The following LSAMP variants were observed in gnomAD, a reference collection of about 807,000 sequenced individuals.
LSAMP encodes the protein limbic system-associated membrane protein.
LSAMP carries 7 observed loss-of-function variants against 38.6 expected under a neutral mutation model. The observed-to-expected ratio is 0.18, with a 90% CI of 0.10 to 0.34. The LOEUF (loss-of-function observed/expected upper bound fraction) is 0.34. Among genes scored for constraint, LSAMP ranks in the 10% least tolerant of loss-of-function variants. LSAMP has a pLI of 1.00. For synonymous variants in LSAMP, 154 were observed against 166.8 expected, an observed-to-expected ratio of 0.92 and a Z score of 0.59; for missense variants, 313 against 420.0, an observed-to-expected ratio of 0.75 and a Z score of 2.23.
At position 116,378,332 on chromosome 3, in the gene LSAMP, G is replaced by A. The variant is rs79593809; in HGVS notation, c.155+66545C>T. Among the ~76,000 whole-genome samples, 4 of 152,016 alleles carry A rather than the reference G, an allele frequency of 2.6e-5. No homozygotes were observed. The East Asian group carries it at 7.7e-4, about 29-fold the overall frequency. ...ACTCTTGCTGGCACACTAATTTTAG[G>A]TGATTTTGCAACCCATATGGACAAA... On this transcript the variant is annotated intron_variant, in intron 1 of 6. Coordinates refer to ENST00000490035, the MANE Select transcript of LSAMP (RefSeq NM_002338.5).
At chr3:115,983,890 TTAACA>T (rs1939436009) in intron 3 of LSAMP, among the ~76,000 whole-genome samples, 1 of 152,198 alleles carries the variant, frequency 6.6e-6, no homozygotes. Context: ...AGTGGCAATG[TTAACA>T]TTAAGAGACA....
At chr3:115,939,645 C>A (rs1478688653) in intron 3 of LSAMP, among the ~76,000 whole-genome samples, 2 of 151,144 alleles carry the variant, frequency 1.3e-5, no homozygotes, top group African/African-American at 4.9e-5. Context: ...TTGAGACTCA[C>A]TTGGGCTCAA....
Position 115,810,327 on chromosome 3 carries a change from C to A in LSAMP, c.1007G>T (p.Ser336Ile). Residue 336 changes from serine (S) to isoleucine (I), a missense_variant, in exon 7 of 7, where the codon AGC (serine) becomes ATC (isoleucine). Physicochemically the swap from Ser to Ile is moderately radical, Grantham distance 142. Transcript: ENST00000490035. Reference sequence around the variant, plus strand: ...TAAATTTTTATTCTATTAACATTTGCTGAGAAGGCAGAGCAGAGATGCTGC... The same window carrying A: ...TAAATTTTTATTCTATTAACATTTGATGAGAAGGCAGAGCAGAGATGCTGC... ...LLAASLLCLL[S>I]KC 5 of 1,609,686 alleles carry A rather than the reference C, an allele frequency of 3.1e-6. No homozygotes were observed. The highest frequency in any genetic ancestry group is 4.2e-6 in the Non-Finnish European group (5 of 1,177,630).
intron 3 of LSAMP, among the ~76,000 whole-genome samples, chr3:115,915,955 G>A (rs1375723779): frequency 6.6e-6 from 1 of 152,056 alleles, no homozygotes; most frequent in Non-Finnish European, 1.5e-5. Flanking sequence ...TGGCCTAGAA[G>A]GAACAGTGCT....
chr3:116,262,013 G>C (rs2046832921), intron 1 of LSAMP, among the ~76,000 whole-genome samples: 1 of 151,798 alleles, frequency 6.6e-6, no homozygotes, highest in Non-Finnish European at 1.5e-5. Flanking sequence ...TATAGCACAA[G>C]AATAATTTAT....
At chr3:116,385,109 A>AG (rs2048607703) in intron 1 of LSAMP, among the ~76,000 whole-genome samples, 1 of 151,956 alleles carries the variant, frequency 6.6e-6, no homozygotes, top group Non-Finnish European at 1.5e-5. Flanking sequence ...AATGAAAAAA[A>AG]AAAACACAAA....
At chr3:116,406,159 C>T (rs902740405) in intron 1 of LSAMP, among the ~76,000 whole-genome samples, 3 of 152,044 alleles carry the variant, frequency 2.0e-5, no homozygotes, top group African/African-American at 7.2e-5. Context: ...ATCTGAAATT[C>T]CTTTCTATTT....
chr3:115,810,776 G>T (rs994191079), intron 6 of LSAMP, among the ~76,000 whole-genome samples: 4 of 152,148 alleles, frequency 2.6e-5, no homozygotes, highest in African/African-American at 7.2e-5. Context: ...ACTCGTTAAG[G>T]TTCCAAGCAT....
At chr3:116,417,583 G>T (rs377511969) in intron 1 of LSAMP, among the ~76,000 whole-genome samples, 1 of 152,212 alleles carries the variant, frequency 6.6e-6, no homozygotes, top group African/African-American at 2.4e-5. Flanking sequence ...AAGAGGAATC[G>T]ACCTGCTGGA....
intron 1 of LSAMP, among the ~76,000 whole-genome samples, chr3:116,302,933 A>G (rs115993167): frequency 0.026 from 4,007 of 152,308 alleles, 63 homozygotes; most frequent in South Asian, 0.051. Context: ...CAGCCTATAA[A>G]ATAAATATAT....
intron 1 of LSAMP, among the ~76,000 whole-genome samples, chr3:116,273,695 TATATATATATATAC>T (rs1430328803): frequency 8.1e-6 from 1 of 123,950 alleles, no homozygotes; most frequent in African/African-American, 3.8e-5. Flanking sequence ...TATATATATA[TATATATATATATAC>T]ACACACACAC....
chr3:116,078,411 G>A (rs965324726), intron 2 of LSAMP, among the ~76,000 whole-genome samples: 5 of 151,720 alleles, frequency 3.3e-5, no homozygotes, highest in Non-Finnish European at 2.9e-5. Context: ...TGCAAGCTCC[G>A]CCTCCCGGGT....
At chr3:116,061,059 TCAGGGACTAGGAGAC>T (rs1475845726) in intron 2 of LSAMP, among the ~76,000 whole-genome samples, 1 of 152,134 alleles carries the variant, frequency 6.6e-6, no homozygotes, top group Non-Finnish European at 1.5e-5. Context: ...TAGAATGGAA[TCAGGGACTAGGAGAC>T]CGCTGGGACA....
intron 2 of LSAMP, among the ~76,000 whole-genome samples, chr3:116,043,363 A>T (rs572428533): frequency 6.1e-4 from 93 of 152,300 alleles, no homozygotes; most frequent in African/African-American, 2.0e-3. Flanking sequence ...GATAATACAT[A>T]ATTATGAAAA....
chr3:116,159,916 G>GT (rs141686702), intron 1 of LSAMP, among the ~76,000 whole-genome samples: 4,997 of 151,976 alleles, frequency 0.033, 215 homozygotes, highest in African/African-American at 0.1. Flanking sequence ...ATGAGATCAT[G>GT]TTTTTTTGCA....
chr3:115,926,769 C>A (rs999115255), intron 3 of LSAMP, among the ~76,000 whole-genome samples: 1 of 152,178 alleles, frequency 6.6e-6, no homozygotes, highest in East Asian at 1.9e-4. Context: ...CTGTCAAGAA[C>A]ATTATTCCCC....
chr3:116,435,338 C>G (rs1166234687), intron 1 of LSAMP, among the ~76,000 whole-genome samples: 1 of 152,148 alleles, frequency 6.6e-6, no homozygotes, highest in Non-Finnish European at 1.5e-5. Flanking sequence ...GGACTCTGTT[C>G]CTTTCCTGAA....
intron 3 of LSAMP, among the ~76,000 whole-genome samples, chr3:115,970,352 C>T (rs1172391463): frequency 6.6e-6 from 1 of 152,156 alleles, no homozygotes; most frequent in African/African-American, 2.4e-5. Flanking sequence ...AGCCTTTCAT[C>T]CAGAAAACTT....
rs547164886 is a variant in LSAMP at position 115,986,994 on chromosome 3, G to A, written c.514+32521C>T. Among the ~76,000 whole-genome samples, 3 of 152,254 alleles carry A rather than the reference G, an allele frequency of 2.0e-5. No individual in the cohort carries two copies. The South Asian group carries it at 6.2e-4, about 32-fold the overall frequency. ...GAGGAAAAATATCTGAACCTCATGA[G>A]CAAGGCTGTGTATTTTGGTAAGACT... On this transcript the variant is annotated intron_variant, in intron 3 of 6. Transcript: ENST00000490035.
Sources: allele counts gnomAD v4.1 joint callset (sites outside exome capture counted in the v4.1 genomes callset), GRCh38; gene constraint gnomAD v4.1.1; transcripts MANE v1.5; gene names NCBI Gene and HGNC (gene_info 2026-07-23, HGNC 2026-07-21).